CFAP54: variants seen among roughly 807,000 people sequenced by gnomAD.
CFAP54 encodes cilia and flagella associated protein 54, also known as cilia- and flagella-associated protein 54.
Under a neutral mutation model 370.4 loss-of-function variants are expected in CFAP54, and 290 were observed. That is an observed-to-expected ratio of 0.78 (90% CI 0.71 to 0.86). The LOEUF is 0.86. Ranked by LOEUF, CFAP54 falls within the 40% of genes least tolerant of loss-of-function variation. The pLI is 0.00. For missense variants in CFAP54, 3,399 were observed against 3,528.7 expected (o/e 0.96, Z 0.93); for synonymous variants, 1,206 against 1,236.5 (o/e 0.98, Z 0.52).
At chr12:96,872,356 T>C (rs1960193351) in intron 67 of CFAP54, among the ~76,000 whole-genome samples, 1 of 152,192 alleles carries the variant, frequency 6.6e-6, no homozygotes, top group Non-Finnish European at 1.5e-5. Context: ...TTAACCATAT[T>C]ATTAACTATA....
At chr12:96,566,150 C>A (rs1487059500) in intron 19 of CFAP54, among the ~76,000 whole-genome samples, 1 of 152,146 alleles carries the variant, frequency 6.6e-6, no homozygotes, top group Non-Finnish European at 1.5e-5. Flanking sequence ...TTATAAATTA[C>A]CCAGTCTCGG....
intron 4 of CFAP54, among the ~76,000 whole-genome samples, chr12:96,512,301 T>TTATATA (rs1165045194): frequency 0.012 from 375 of 30,604 alleles, 13 homozygotes; most frequent in Middle Eastern, 0.029. Flanking sequence ...GGAACCAATT[T>TTATATA]TATATATATA....
chr12:96,562,971 A>G (rs2136409210), intron 17 of CFAP54, among the ~76,000 whole-genome samples: 1 of 152,310 alleles, frequency 6.6e-6, no homozygotes, highest in East Asian at 1.9e-4. Flanking sequence ...ATAATCTTGA[A>G]CATGTTTTGG....
chr12:96,556,445 T>G (rs373033846), intron 17 of CFAP54, among the ~76,000 whole-genome samples: 6 of 152,180 alleles, frequency 3.9e-5, no homozygotes, highest in East Asian at 3.9e-4. Context: ...AAGTCCCCCA[T>G]ACATTTTTCA....
At chr12:96,539,414 C>A (rs565339131) in intron 13 of CFAP54, among the ~76,000 whole-genome samples, 1 of 152,156 alleles carries the variant, frequency 6.6e-6, no homozygotes, top group South Asian at 2.1e-4. Flanking sequence ...GGGCTGACAC[C>A]TGTAATCCCA....
chr12:96,862,925 C>T (rs1285634856), intron 67 of CFAP54, among the ~76,000 whole-genome samples: 1 of 152,132 alleles, frequency 6.6e-6, no homozygotes, highest in East Asian at 1.9e-4. Flanking sequence ...CAACAAAGTA[C>T]CTACACATTT....
chr12:96,781,710 A>C (rs1958582746), intron 60 of CFAP54, among the ~76,000 whole-genome samples: 1 of 152,118 alleles, frequency 6.6e-6, no homozygotes, highest in East Asian at 1.9e-4. Context: ...TTGATATATA[A>C]AAATAGGGGA....
At chr12:96,638,404 T>G in intron 32 of CFAP54, among the ~76,000 whole-genome samples, 1 of 144,314 alleles carries the variant, frequency 6.9e-6, no homozygotes. Context: ...CCTGGCTAAT[T>G]TTTTTTTTTT....
intron 50 of CFAP54, among the ~76,000 whole-genome samples, chr12:96,729,954 G>C (rs868749332): frequency 5.6e-4 from 85 of 152,276 alleles, no homozygotes; most frequent in African/African-American, 2.0e-3. Context: ...TAATGAAAAA[G>C]ACCCAGTACA....
chr12:96,858,563 C>T (rs2136460968), intron 66 of CFAP54, among the ~76,000 whole-genome samples: 1 of 152,262 alleles, frequency 6.6e-6, no homozygotes, highest in Admixed American at 6.5e-5. Context: ...GAGACCTTTG[C>T]TCATTCCCAT....
At chr12:96,722,831 T>A (rs1414336539) in intron 50 of CFAP54, among the ~76,000 whole-genome samples, 2 of 152,202 alleles carry the variant, frequency 1.3e-5, no homozygotes, top group Non-Finnish European at 2.9e-5. Flanking sequence ...CATTCTGTTT[T>A]ACAGATATTG....
chr12:96,805,296 A>G (rs956958796), intron 63 of CFAP54, among the ~76,000 whole-genome samples: 2 of 152,128 alleles, frequency 1.3e-5, no homozygotes, highest in Non-Finnish European at 2.9e-5. Context: ...ACGAGAGTAA[A>G]CACACAACTT....
At chr12:96,727,834 T>G (rs886473823) in intron 50 of CFAP54, among the ~76,000 whole-genome samples, 11 of 152,064 alleles carry the variant, frequency 7.2e-5, no homozygotes, top group Non-Finnish European at 1.2e-4. Flanking sequence ...CTTTCCATGT[T>G]TAGTGCTTCC....
At chr12:96,552,296 A>G (rs979942804) in intron 15 of CFAP54, among the ~76,000 whole-genome samples, 1 of 150,544 alleles carries the variant, frequency 6.6e-6, no homozygotes, top group African/African-American at 2.4e-5. Context: ...CTTTGTGTTT[A>G]TTCACAGACA....
intron 20 of CFAP54, among the ~76,000 whole-genome samples, chr12:96,577,257 C>A (rs1312975259): frequency 6.6e-6 from 1 of 152,148 alleles, no homozygotes; most frequent in East Asian, 1.9e-4. Flanking sequence ...AGGACAATTC[C>A]AACCATATTA....
intron 29 of CFAP54, among the ~76,000 whole-genome samples, chr12:96,626,385 C>CA (rs1357363121): frequency 7.0e-5 from 8 of 113,618 alleles, no homozygotes. Context: ...GACTCTGTCT[C>CA]AAAAAACAAA....
intron 34 of CFAP54, among the ~76,000 whole-genome samples, chr12:96,649,115 G>A (rs897817653): frequency 3.9e-5 from 6 of 152,192 alleles, no homozygotes; most frequent in African/African-American, 9.7e-5. Context: ...TTGCCAACCA[G>A]AGTTCTTGGT....
At chr12:96,648,868 G>A (rs1307636479) in intron 34 of CFAP54, among the ~76,000 whole-genome samples, 3 of 152,050 alleles carry the variant, frequency 2.0e-5, no homozygotes, top group Non-Finnish European at 2.9e-5. Context: ...AATTACAGGC[G>A]TGAGCCACTG....
At chr12:96,751,680 A>G (rs961605781) in intron 55 of CFAP54, among the ~76,000 whole-genome samples, 2 of 152,146 alleles carry the variant, frequency 1.3e-5, no homozygotes, top group Admixed American at 6.5e-5. Context: ...CTAGCCTGGG[A>G]TCTAATCACA....
Sources: allele counts gnomAD v4.1 joint callset (sites outside exome capture counted in the v4.1 genomes callset), GRCh38; gene constraint gnomAD v4.1.1; transcripts MANE v1.5; gene names NCBI Gene and HGNC (gene_info 2026-07-23, HGNC 2026-07-21).